Variants in MMP7 observed in about 807,000 individuals in gnomAD.
The protein encoded by MMP7 is matrilysin.
Under a neutral mutation model 31.5 loss-of-function variants are expected in MMP7, and 26 were observed. That is an observed-to-expected ratio of 0.83 (90% CI 0.61 to 1.15). The LOEUF (loss-of-function observed/expected upper bound fraction) is 1.15, where lower values mean the gene tolerates loss of function less well. Ranked by LOEUF, MMP7 falls within the 50% of genes most tolerant of loss-of-function variation. The pLI, the probability that MMP7 is intolerant of heterozygous loss-of-function variation, is 0.00. For missense variants in MMP7, 367 were observed against 326.5 expected (o/e 1.12, Z -0.96); for synonymous variants, 142 against 124.2 (o/e 1.14, Z -0.95).
At position 102,525,070 on chromosome 11, in the gene MMP7, A is replaced by C. The variant is rs901729856; in HGVS notation, c.485-6T>G. 3 of 1,589,774 alleles carry C rather than the reference A, an allele frequency of 1.9e-6. No individual in the cohort carries two copies. Among genetic ancestry groups the C allele is most frequent in the Non-Finnish European group, 2.6e-6 (3 of 1,172,262 alleles). Reference sequence around the variant, plus strand: ...TGGGTAGGAGTCCCCATGAGCTGAAAGAAAATGGAGTGATTGTTCTTAGTG... The same window carrying C: ...TGGGTAGGAGTCCCCATGAGCTGAACGAAAATGGAGTGATTGTTCTTAGTG... On this transcript the variant is annotated splice_region_variant and splice_polypyrimidine_tract_variant and intron_variant, in intron 3 of 5. Coordinates refer to ENST00000260227, the MANE Select transcript of MMP7 (RefSeq NM_002423.5).
intron 4 of MMP7, 108 bp downstream of exon 4, chr11:102,524,828 A>C: frequency 4.7e-6 from 6 of 1,282,516 alleles, no homozygotes; most frequent in Non-Finnish European, 6.2e-6. Context: ...AGTGTTTGGC[A>C]CTTAGCAAGG....
chr11:102,523,958 C>T (rs922111798), intron 4 of MMP7, among the ~76,000 whole-genome samples: 1 of 152,180 alleles, frequency 6.6e-6, no homozygotes, highest in Admixed American at 6.5e-5. Context: ...GGTCTCTAGG[C>T]AATGCTGGGC....
rs370239404 is a variant in MMP7 at position 102,525,454 on chromosome 11, T to TA, written c.485-391dup. Among the ~76,000 whole-genome samples the TA allele has an allele frequency of 0.012, 1,680 of 138,042 alleles. 56 individuals are homozygous for TA. In the East Asian group the frequency reaches 0.14, roughly 11 times the overall value. The allele number at this position is 138,042 out of a possible 152,430, so 90.6% of individuals were successfully genotyped here. On this transcript the variant is annotated intron_variant, in intron 3 of 5. Transcript: ENST00000260227. ...TGAAACTCCATCTCAAAAAATAAAT[T>TA]AAAAAAAAAAAAAAGGCAGCCCAGT...
At chr11:102,529,843 T>A in intron 1 of MMP7, among the ~76,000 whole-genome samples, 1 of 152,338 alleles carries the variant, frequency 6.6e-6, no homozygotes, top group South Asian at 2.1e-4. Flanking sequence ...CTAATCAGTT[T>A]AACTTTGGTT....
chr11:102,530,663 GGCAGCAGGCA>G lies in MMP7; in HGVS notation c.28_37del (p.Cys10LeufsTer15). ...AGGCAGCGGCAGGGCCAGGCTGCCAGGCAGCAGGCACACAGCACACAGCACGGTGAGTCGC... is the reference window on the plus strand; with the variant it reads ...AGGCAGCGGCAGGGCCAGGCTGCCAGCACAGCACACAGCACGGTGAGTCGC... On this transcript the variant is annotated frameshift_variant, in exon 1 of 6. Transcript: ENST00000260227. LOFTEE classifies it high-confidence loss of function. 6.2e-7 allele frequency: 1 copy of G among 1,614,010 alleles called. No homozygotes were observed. The highest frequency in any genetic ancestry group is 1.1e-5 in the South Asian group (1 of 91,068).
chr11:102,525,142 T>A, intron 3 of MMP7, 78 bp from the exon 4 acceptor site: 1 of 1,513,094 alleles, frequency 6.6e-7, no homozygotes, highest in Non-Finnish European at 8.8e-7. Flanking sequence ...GTTTATACGA[T>A]TATTGAGGCT....
intron 3 of MMP7, among the ~76,000 whole-genome samples, chr11:102,525,267 GTC>G (rs2135904214): frequency 6.6e-6 from 1 of 152,080 alleles, no homozygotes; most frequent in South Asian, 2.1e-4. Flanking sequence ...GTGAAACCCC[GTC>G]TCTACTAAAA....
Position 102,520,667 on chromosome 11 carries a change from G to C in MMP7, c.*109C>G, listed in dbSNP as rs1858602372. On this transcript the variant is annotated 3_prime_UTR_variant, in exon 6 of 6. Transcript: ENST00000260227. ...TCAAAAACCAACTGCAATAAAAAAGGGTGACATAATTGCTAAATGGAGTGG... is the reference window on the plus strand; with the variant it reads ...TCAAAAACCAACTGCAATAAAAAAGCGTGACATAATTGCTAAATGGAGTGG... The C allele has an allele frequency of 1.2e-6, 1 of 856,316 alleles. No individual in the cohort carries two copies. Among genetic ancestry groups the C allele is most frequent in the Non-Finnish European group, 1.8e-6 (1 of 558,704 alleles). The allele number at this position is 856,316 out of a possible 1,614,324, so 53.0% of individuals were successfully genotyped here.
intron 5 of MMP7, 112 bp downstream of exon 5, chr11:102,523,128 T>C (rs965057845): frequency 2.7e-5 from 20 of 735,172 alleles, no homozygotes; most frequent in African/African-American, 2.5e-4. Context: ...GGCTTTTTGA[T>C]ATGAGTTCCA....
rs1176562007 is a variant in MMP7 at position 102,530,651 on chromosome 11, G to A, written c.50C>T (p.Ala17Val). 1.2e-6 allele frequency: 2 copies of A among 1,613,840 alleles called. No individual in the cohort carries two copies. Among genetic ancestry groups the A allele is most frequent in the African/African-American group, 1.3e-5 (1 of 74,908 alleles). The change falls in exon 1 of 6, where the codon GCC becomes GTC. Residue 17 changes from alanine (A) to valine (V), a missense_variant. Coordinates refer to ENST00000260227, the MANE Select transcript of MMP7 (RefSeq NM_002423.5). ...CAVCLLPGSL[A>V]LPLPQEAGGM... ...TCCCGCCTCCTGAGGCAGCGGCAGG[G>A]CCAGGCTGCCAGGCAGCAGGCACAC...
intron 1 of MMP7, among the ~76,000 whole-genome samples, chr11:102,528,548 A>G (rs1346366795): frequency 6.6e-6 from 1 of 152,236 alleles, no homozygotes; most frequent in Non-Finnish European, 1.5e-5. Flanking sequence ...GCCCAGGTTC[A>G]CACCTTAAAT....
chr11:102,524,716 A>C (rs1328404410), intron 4 of MMP7: 1 of 331,950 alleles, frequency 3.0e-6, no homozygotes. Flanking sequence ...ACGTACAGCA[A>C]ATTGGATCAG....
chr11:102,520,864 A>T (rs528563128), intron 5 of MMP7, 60 bp from the exon 6 acceptor site: 2 of 1,111,596 alleles, frequency 1.8e-6, no homozygotes, highest in East Asian at 4.7e-5. Context: ...AACCATCCTA[A>T]GATTATACAG....
intron 3 of MMP7, among the ~76,000 whole-genome samples, chr11:102,526,719 A>G (rs1312307493): frequency 6.6e-6 from 1 of 152,210 alleles, no homozygotes; most frequent in Non-Finnish European, 1.5e-5. Flanking sequence ...ACATATAGTC[A>G]TGTGCTACAT....
chr11:102,521,773 T>A (rs1246536822), intron 5 of MMP7, among the ~76,000 whole-genome samples: 1 of 152,202 alleles, frequency 6.6e-6, no homozygotes, highest in Non-Finnish European at 1.5e-5. Flanking sequence ...TCTCTTTGTA[T>A]TTTTCTTAGG....
Position 102,530,614 on chromosome 11 carries a change from C to A in MMP7, c.87G>T (p.Glu29Asp), listed in dbSNP as rs765859304. ...PLPQEAGGMS[E>D]LQWEQAQDYL... ...ATACCTGAGCCTGTTCCCACTGTAG[C>A]TCACTCATGCCTCCCGCCTCCTGAG... The change falls in exon 1 of 6, where the codon GAG becomes GAT. Residue 29 changes from glutamate to aspartate, a missense_variant. Physicochemically the swap from Glu to Asp is conservative, Grantham distance 45. Coordinates refer to ENST00000260227, the MANE Select transcript of MMP7 (RefSeq NM_002423.5). 4 of 1,614,024 alleles carry A rather than the reference C, an allele frequency of 2.5e-6. No homozygotes were observed. The Admixed American group carries it at 6.7e-5, about 27-fold the overall frequency.
At chr11:102,525,763 G>GTTTTTTTT (rs61047680) in intron 3 of MMP7, among the ~76,000 whole-genome samples, 1 of 139,910 alleles carries the variant, frequency 7.1e-6, no homozygotes, top group Non-Finnish European at 1.5e-5. Flanking sequence ...CATTTCATAG[G>GTTTTTTTT]TTTTTTTTTT....
intron 3 of MMP7, among the ~76,000 whole-genome samples, chr11:102,525,269 C>T (rs1858657153): frequency 6.6e-6 from 1 of 152,024 alleles, no homozygotes; most frequent in Non-Finnish European, 1.5e-5. Flanking sequence ...GAAACCCCGT[C>T]TCTACTAAAA....
rs1236594299 is a variant in MMP7 at position 102,527,776 on chromosome 11, A to C, written c.316T>G (p.Ser106Ala). ...ACTAACCTGTAGGTGACCACTTTGG[A>C]AGTCCATTTTGGGCTATTTGGAAAT... ...SLFPNSPKWT[S>A]KVVTYRIVSY... The change falls in exon 2 of 6, where the codon TCC (serine) becomes GCC (alanine). Residue 106 changes from serine to alanine, a missense_variant. Ser to Ala is a moderately conservative substitution (Grantham distance 99, BLOSUM62 1). Coordinates refer to ENST00000260227, the MANE Select transcript of MMP7 (RefSeq NM_002423.5). 1 of 1,614,162 alleles carries C rather than the reference A, an allele frequency of 6.2e-7. No homozygotes were observed. The highest frequency in any genetic ancestry group is 1.7e-5 in the Admixed American group (1 of 60,030).
Sources: gnomAD v4.1 joint callset for allele counts (sites outside exome capture counted in the v4.1 genomes callset) on GRCh38, gnomAD v4.1.1 for gene constraint, MANE v1.5 for transcripts, NCBI Gene and HGNC (gene_info 2026-07-23, HGNC 2026-07-21) for gene names.